ANKMY1: variants seen among roughly 807,000 people sequenced by gnomAD.
ANKMY1 encodes ankyrin repeat and MYND domain-containing protein 1.
A neutral mutation model predicts 102.0 loss-of-function variants in ANKMY1; 98 were observed. The observed-to-expected ratio is 0.96, with a 90% CI of 0.82 to 1.14. The LOEUF (loss-of-function observed/expected upper bound fraction) is 1.14, where lower values mean the gene tolerates loss of function less well. ANKMY1 is among the 50% of genes most tolerant of loss of function. The pLI, the probability that ANKMY1 is intolerant of heterozygous loss-of-function variation, is 0.00. For missense variants in ANKMY1, 1,330 were observed against 1,347.6 expected, an observed-to-expected ratio of 0.99 and a Z score of 0.20; for synonymous variants, 582 against 559.9, an observed-to-expected ratio of 1.04 and a Z score of -0.56.
At chr2:240,487,993 T>C (rs1040393048) in intron 15 of ANKMY1, among the ~76,000 whole-genome samples, 2 of 152,228 alleles carry the variant, frequency 1.3e-5, no homozygotes, top group East Asian at 1.9e-4. Context: ...ATCCCATTTG[T>C]CTATTTTTGG....
intron 15 of ANKMY1, among the ~76,000 whole-genome samples, chr2:240,484,769 A>G (rs1278007083): frequency 6.6e-6 from 1 of 152,208 alleles, no homozygotes; most frequent in East Asian, 1.9e-4. Flanking sequence ...CAGGCAACCT[A>G]CAGAATGGGA....
chr2:240,485,853 A>C (rs1490845055), intron 15 of ANKMY1, among the ~76,000 whole-genome samples: 2 of 152,178 alleles, frequency 1.3e-5, no homozygotes, highest in Non-Finnish European at 2.9e-5. Context: ...TTAGCCTCCC[A>C]AAGTGCTGGG....
intron 4 of ANKMY1, among the ~76,000 whole-genome samples, chr2:240,552,472 T>C (rs1157087065): frequency 1.3e-5 from 2 of 152,202 alleles, no homozygotes; most frequent in Non-Finnish European, 2.9e-5. Flanking sequence ...CTGACTACAG[T>C]AGTAGTTACA....
At chr2:240,471,776 G>C in the ANKMY1 span, among the ~76,000 whole-genome samples, 1 of 152,162 alleles carries the variant, frequency 6.6e-6, no homozygotes, top group Non-Finnish European at 1.5e-5. Flanking sequence ...AACTGAGAAG[G>C]GCTGTTTTAA....
chr2:240,526,283 A>T lies in ANKMY1; in HGVS notation c.1116T>A (p.Phe372Leu). The T allele has an allele frequency of 1.9e-6, 3 of 1,614,172 alleles. No individual in the cohort carries two copies. The South Asian group carries it at 3.3e-5, about 18-fold the overall frequency. ...EWICRILKDN[F>L]ASADVADAKG... is the part of the protein sequence containing the mutation. ...TTGCGTCCGCCACGTCAGCACTAGCAAAGTTGTCCTTCAGGATCCTACAAA... is the reference window on the plus strand; with the variant it reads ...TTGCGTCCGCCACGTCAGCACTAGCTAAGTTGTCCTTCAGGATCCTACAAA... Residue 372 changes from phenylalanine (F) to leucine (L), a missense_variant, in exon 6 of 18, where the codon TTT becomes TTA. Transcript: ENST00000401804.
chr2:240,500,396 G>T (rs2077979087), intron 14 of ANKMY1, 56 bp downstream of exon 14: 1 of 1,526,584 alleles, frequency 6.6e-7, no homozygotes, highest in Non-Finnish European at 9.0e-7. Flanking sequence ...CCCAGCCGGG[G>T]GCCCTGCACG....
chr2:240,486,095 G>T (rs2076031670), intron 15 of ANKMY1, among the ~76,000 whole-genome samples: 2 of 152,116 alleles, frequency 1.3e-5, no homozygotes, highest in South Asian at 4.2e-4. Flanking sequence ...GAAGCTGAGA[G>T]AAGGAGAAAA....
chr2:240,560,769 G>C (rs553554660), upstream of ANKMY1: 71 of 1,467,188 alleles, frequency 4.8e-5, no homozygotes, highest in African/African-American at 9.9e-4. Flanking sequence ...ACTCTTCCTC[G>C]GGAGCGCGCG....
intron 13 of ANKMY1, among the ~76,000 whole-genome samples, chr2:240,501,509 G>A (rs758443179): frequency 1.3e-5 from 2 of 152,156 alleles, no homozygotes; most frequent in Non-Finnish European, 2.9e-5. Context: ...ATGGAAACCA[G>A]GCCATCATCT....
At chr2:240,491,034 A>G (rs886648377) in intron 15 of ANKMY1, among the ~76,000 whole-genome samples, 2 of 150,322 alleles carry the variant, frequency 1.3e-5, no homozygotes. Context: ...ATATATATTT[A>G]GCATTGTTAT....
chr2:240,560,708 C>T (rs750196338), upstream of ANKMY1: 5 of 1,528,272 alleles, frequency 3.3e-6, no homozygotes, highest in Non-Finnish European at 4.3e-6. Context: ...AAGCTGGGCG[C>T]CGCGGGGCCG....
At position 240,509,772 on chromosome 2, in the gene ANKMY1, C is replaced by G. The variant is rs2079778634; in HGVS notation, c.2287-317G>C. On this transcript the variant is annotated intron_variant, in intron 11 of 17. Transcript: ENST00000401804. The stretch of plus-strand genomic sequence containing the variant: ...TCAGAGGACAAGGGACAGTCCAGAC[C>G]ACATGACCACGTGGCAGGTCCTGGC... 2.6e-5 allele frequency among the ~76,000 whole-genome samples: 4 copies of G among 152,106 alleles called. No individual in the cohort carries two copies. In the South Asian group the frequency reaches 8.3e-4, roughly 31 times the overall value.
intron 17 of ANKMY1, 57 bp downstream of exon 17, chr2:240,480,880 C>A: frequency 6.4e-7 from 1 of 1,568,028 alleles, no homozygotes; most frequent in Non-Finnish European, 8.7e-7. Context: ...CCCAGGCCTG[C>A]GCCTTCGCCC....
chr2:240,537,780 A>C (rs1043133507), intron 4 of ANKMY1, among the ~76,000 whole-genome samples: 1 of 152,212 alleles, frequency 6.6e-6, no homozygotes, highest in African/African-American at 2.4e-5. Flanking sequence ...CACGCTGTAA[A>C]CCACAACAAG....
At chr2:240,526,553 GC>G (rs1210591821) in intron 5 of ANKMY1, 108 bp from the exon 6 acceptor site, 40 of 1,523,410 alleles carry the variant, frequency 2.6e-5, no homozygotes, top group Non-Finnish European at 3.3e-5. Context: ...TTGTGGCTCA[GC>G]CCCCCACTGT....
chr2:240,469,508 C>T, the ANKMY1 span, among the ~76,000 whole-genome samples: 1 of 152,216 alleles, frequency 6.6e-6, no homozygotes. Context: ...AGAGAGCAGC[C>T]CCTCAGTCAG....
chr2:240,523,802 A>C (rs2082792976), intron 8 of ANKMY1, 83 bp downstream of exon 8: 1 of 1,529,338 alleles, frequency 6.5e-7, no homozygotes, highest in Non-Finnish European at 8.8e-7. Context: ...CCACTGGCAC[A>C]GGGAAGAGAC....
At chr2:240,560,660 A>C (rs556213084), upstream of ANKMY1, 4 of 1,491,530 alleles carry the variant, frequency 2.7e-6, no homozygotes, top group South Asian at 5.1e-5. Context: ...CTCAGGGCCC[A>C]AAAGCAGACT....
At chr2:240,487,163 A>G (rs2151897079) in intron 15 of ANKMY1, among the ~76,000 whole-genome samples, 2 of 151,892 alleles carry the variant, frequency 1.3e-5, no homozygotes, top group South Asian at 4.2e-4. Flanking sequence ...TCTGTTATCT[A>G]TTTTTCTAGT....
Sources: gnomAD v4.1 joint callset for allele counts (sites outside exome capture counted in the v4.1 genomes callset) on GRCh38, gnomAD v4.1.1 for gene constraint, MANE v1.5 for transcripts, NCBI Gene and HGNC (gene_info 2026-07-23, HGNC 2026-07-21) for gene names.